The following TMEM62 variants were observed in gnomAD, a reference collection of about 807,000 sequenced individuals.
The protein encoded by TMEM62 is transmembrane protein 62.
In TMEM62, 41 loss-of-function variants were observed where a neutral mutation model predicts 70.4. The ratio of observed to expected loss-of-function variants is 0.58; its 90% CI spans 0.45 to 0.76. The LOEUF (loss-of-function observed/expected upper bound fraction) is 0.76. Ranked by LOEUF, TMEM62 falls within the 30% of genes least tolerant of loss-of-function variation. The pLI is 0.00. For missense variants in TMEM62, 688 were observed against 788.5 expected (o/e 0.87, Z 1.53); for synonymous variants, 268 against 291.0 (o/e 0.92, Z 0.80).
intron 4 of TMEM62, among the ~76,000 whole-genome samples, chr15:43,142,840 CTG>C (rs896148320): frequency 5.4e-5 from 8 of 148,196 alleles, no homozygotes; most frequent in African/African-American, 2.0e-4. Flanking sequence ...TGGCTAATTA[CTG>C]TGTTTTTTAT....
At chr15:43,181,149 T>C (rs1567246276) in intron 12 of TMEM62, 32 bp from the exon 13 acceptor site, 1 of 1,298,982 alleles carries the variant, frequency 7.7e-7, no homozygotes, top group Admixed American at 1.7e-5. Context: ...AGTTATTTAA[T>C]CTCCTCCTTT....
chr15:43,169,708 C>T, intron 11 of TMEM62, 31 bp downstream of exon 11: 2 of 1,573,294 alleles, frequency 1.3e-6, no homozygotes, highest in Non-Finnish European at 1.7e-6. Context: ...TTCCTATAAG[C>T]CTTGTTCATG....
Position 43,184,348 on chromosome 15 carries a change from A to G in TMEM62, c.1694A>G (p.His565Arg), listed in dbSNP as rs2041690297. The part of the protein sequence containing the change: ...CFGHNFRSHL[H>R]QRKYLKIMPV... The stretch of plus-strand genomic sequence containing the variant: ...GGTCACAACTTCAGGTCTCATCTCC[A>G]TCAAAGAAAATACTTGAAAATTATG... Residue 565 changes from histidine (H) to arginine (R), a missense_variant, in exon 14 of 14, where the codon CAT (histidine) becomes CGT (arginine). Physicochemically the swap from His to Arg is conservative, Grantham distance 29. Coordinates refer to ENST00000260403, the MANE Select transcript of TMEM62 (RefSeq NM_024956.4). 6.2e-7 allele frequency: 1 copy of G among 1,614,108 alleles called. No individual in the cohort carries two copies. Among genetic ancestry groups the G allele is most frequent in the African/African-American group, 1.3e-5 (1 of 74,942 alleles).
At chr15:43,158,373 A>T (rs1009406457) in intron 9 of TMEM62, among the ~76,000 whole-genome samples, 1 of 152,162 alleles carries the variant, frequency 6.6e-6, no homozygotes, top group Admixed American at 6.5e-5. Flanking sequence ...AGGAGAGGGG[A>T]TCCTGATTTG....
At chr15:43,141,053 C>A (rs1462665298) in intron 4 of TMEM62, among the ~76,000 whole-genome samples, 4 of 152,228 alleles carry the variant, frequency 2.6e-5, no homozygotes, top group Non-Finnish European at 4.4e-5. Context: ...GTGATACTTG[C>A]CTCCAATGGC....
rs182436179 is a variant in TMEM62 at position 43,168,857 on chromosome 15, T to A, written c.1297-736T>A. 4.5e-3 allele frequency among the ~76,000 whole-genome samples: 683 copies of A among 152,324 alleles called. 10 individuals carry two copies. The highest frequency in any genetic ancestry group is 0.016 in the African/African-American group (654 of 41,588). The stretch of plus-strand genomic sequence containing the variant: ...TCAGGACCCTAGGGCACTTGTTTAG[T>A]CAGCTGGTGCTGGAGCTAGCTGGAA... On this transcript the variant is annotated intron_variant, in intron 10 of 13. Coordinates refer to ENST00000260403, the MANE Select transcript of TMEM62 (RefSeq NM_024956.4).
At chr15:43,135,269 C>T (rs925652374) in intron 2 of TMEM62, among the ~76,000 whole-genome samples, 6 of 152,020 alleles carry the variant, frequency 3.9e-5, no homozygotes, top group South Asian at 2.1e-4. Context: ...TTTTAACAAC[C>T]CATTTCGAAT....
chr15:43,178,547 G>T, intron 11 of TMEM62, 60 bp from the exon 12 acceptor site: 3 of 1,072,278 alleles, frequency 2.8e-6, no homozygotes, highest in South Asian at 2.7e-5. Context: ...TCTAGAAAAT[G>T]TCATAAAGAA....
intron 4 of TMEM62, among the ~76,000 whole-genome samples, chr15:43,140,999 G>A (rs773291596): frequency 2.6e-5 from 4 of 152,062 alleles, no homozygotes; most frequent in Non-Finnish European, 5.9e-5. Flanking sequence ...CTGTTTCCTC[G>A]GCTCCACCAG....
intron 13 of TMEM62, among the ~76,000 whole-genome samples, chr15:43,183,919 C>T (rs1182147836): frequency 1.3e-5 from 2 of 152,206 alleles, no homozygotes; most frequent in Non-Finnish European, 2.9e-5. Context: ...CCTCCCCTCA[C>T]TCCACCAAAA....
intron 10 of TMEM62, among the ~76,000 whole-genome samples, chr15:43,167,942 C>T (rs930451425): frequency 9.2e-5 from 14 of 152,096 alleles, no homozygotes; most frequent in Non-Finnish European, 1.5e-4. Flanking sequence ...GCCAACACAG[C>T]GAAACCCCGT....
intron 10 of TMEM62, 149 bp downstream of exon 10, chr15:43,160,943 T>A (rs944026340): frequency 4.9e-6 from 2 of 406,180 alleles, no homozygotes; most frequent in African/African-American, 4.1e-5. Context: ...AATAAGATAT[T>A]TTGAGAGACA....
At chr15:43,165,744 A>T (rs865786004) in intron 10 of TMEM62, among the ~76,000 whole-genome samples, 1 of 151,752 alleles carries the variant, frequency 6.6e-6, no homozygotes, top group African/African-American at 2.4e-5. Context: ...AAAAAAAAAT[A>T]AAATAAATTA....
chr15:43,134,480 C>A, intron 2 of TMEM62, 112 bp downstream of exon 2: 1 of 775,928 alleles, frequency 1.3e-6, no homozygotes, highest in Non-Finnish European at 2.2e-6. Context: ...GCCACAGCCC[C>A]AGGTGAGCTC....
chr15:43,165,265 T>C (rs1219390048), intron 10 of TMEM62, among the ~76,000 whole-genome samples: 1 of 152,160 alleles, frequency 6.6e-6, no homozygotes, highest in Non-Finnish European at 1.5e-5. Context: ...TTTCCTTTTT[T>C]TCTCCTCTGT....
chr15:43,184,394 A>T lies in TMEM62; in HGVS notation c.1740A>T (p.Leu580=). Residue 580 remains leucine, a synonymous_variant, in exon 14 of 14, where the codon CTA becomes CTT. Coordinates refer to ENST00000260403, the MANE Select transcript of TMEM62 (RefSeq NM_024956.4). The part of the protein sequence containing the change: ...LKIMPVHLLM[L]LLYIWQVYSC... ...TTATGCCTGTTCACCTACTTATGCT[A>T]CTGCTGTACATCTGGCAGGTTTATT... 2 of 1,614,220 alleles carry T rather than the reference A, an allele frequency of 1.2e-6. No individual in the cohort carries two copies. The highest frequency in any genetic ancestry group is 1.7e-6 in the Non-Finnish European group (2 of 1,180,036).
At chr15:43,137,582 T>C (rs2035403046) in intron 3 of TMEM62, among the ~76,000 whole-genome samples, 1 of 152,266 alleles carries the variant, frequency 6.6e-6, no homozygotes, top group Middle Eastern at 3.2e-3. Context: ...GGTGGGCCAG[T>C]TGCCCCTGCT....
intron 5 of TMEM62, among the ~76,000 whole-genome samples, chr15:43,147,661 G>T (rs1223896818): frequency 6.6e-6 from 1 of 152,182 alleles, no homozygotes; most frequent in Non-Finnish European, 1.5e-5. Flanking sequence ...CAAATGCATT[G>T]TGTTACTTTA....
At chr15:43,180,241 G>A (rs1315565719) in intron 12 of TMEM62, among the ~76,000 whole-genome samples, 1 of 152,072 alleles carries the variant, frequency 6.6e-6, no homozygotes, top group East Asian at 1.9e-4. Flanking sequence ...TCCTACCTCA[G>A]CCTCCCGACT....
Sources: allele counts gnomAD v4.1 joint callset (sites outside exome capture counted in the v4.1 genomes callset), GRCh38; gene constraint gnomAD v4.1.1; transcripts MANE v1.5; gene names NCBI Gene and HGNC (gene_info 2026-07-23, HGNC 2026-07-21).